NUDC: variants seen among roughly 807,000 people sequenced by gnomAD.
NUDC encodes the protein nuclear migration protein nudC.
A neutral mutation model predicts 45.0 loss-of-function variants in NUDC; 14 were observed. The ratio of observed to expected loss-of-function variants is 0.31; its 90% CI spans 0.21 to 0.49. The LOEUF (loss-of-function observed/expected upper bound fraction) is 0.49. NUDC is among the 20% of genes least tolerant of loss of function. The probability of loss-of-function intolerance (pLI) is 0.99; values close to 1 mark genes in which losing one functional copy is unlikely to be tolerated. For missense variants in NUDC, 323 were observed against 426.2 expected (o/e 0.76, Z 2.13); for synonymous variants, 153 against 156.7 (o/e 0.98, Z 0.17).
chr1:26,909,217 C>T (rs962383259), intron 2 of NUDC, among the ~76,000 whole-genome samples: 3 of 152,296 alleles, frequency 2.0e-5, no homozygotes, highest in South Asian at 2.1e-4. Flanking sequence ...TCAGGTGATC[C>T]GCCTGGCTTG....
At chr1:26,938,448 A>G (rs960091297) in intron 2 of NUDC, among the ~76,000 whole-genome samples, 1 of 152,192 alleles carries the variant, frequency 6.6e-6, no homozygotes, top group Non-Finnish European at 1.5e-5. Flanking sequence ...CTTAGGACCA[A>G]GGCCTTGTGG....
intron 3 of NUDC, chr1:26,913,380 C>T (rs773392069): frequency 6.2e-7 from 1 of 1,611,952 alleles, no homozygotes; most frequent in Non-Finnish European, 8.5e-7. Flanking sequence ...TCAGCCTTGC[C>T]CCCCACCCAG....
chr1:26,904,156 TTTTA>T (rs953550718), intron 2 of NUDC, among the ~76,000 whole-genome samples: 33 of 149,044 alleles, frequency 2.2e-4, no homozygotes, highest in Admixed American at 1.8e-3. Context: ...CATATCTGGA[TTTTA>T]TTTATTTTTT....
At chr1:26,909,974 A>T (rs528467850) in intron 2 of NUDC, among the ~76,000 whole-genome samples, 1 of 152,278 alleles carries the variant, frequency 6.6e-6, no homozygotes, top group South Asian at 2.1e-4. Flanking sequence ...CTGGGGTCCC[A>T]AATGCCAGGC....
At chr1:26,942,583 C>G (rs1347956295) in intron 4 of NUDC, 77 bp from the exon 5 acceptor site, 12 of 1,599,088 alleles carry the variant, frequency 7.5e-6, no homozygotes, top group Non-Finnish European at 1.0e-5. Context: ...AGTGCTAGCC[C>G]TGGGCTTGGC....
intron 2 of NUDC, among the ~76,000 whole-genome samples, chr1:26,937,680 T>A (rs1294461296): frequency 6.6e-6 from 1 of 151,688 alleles, no homozygotes; most frequent in Non-Finnish European, 1.5e-5. Context: ...TGAGACAGAG[T>A]CTTGCTCTGT....
At chr1:26,906,796 C>G (rs2082004845) in intron 2 of NUDC, among the ~76,000 whole-genome samples, 1 of 152,120 alleles carries the variant, frequency 6.6e-6, no homozygotes, top group Non-Finnish European at 1.5e-5. Context: ...TTGCAGTGAG[C>G]TGAGATTGCA....
chr1:26,905,024 A>G (rs1049415731), intron 2 of NUDC, among the ~76,000 whole-genome samples: 78 of 150,754 alleles, frequency 5.2e-4, no homozygotes, highest in African/African-American at 1.5e-3. Context: ...TTTAGTAGAG[A>G]TGGGGTTTCA....
At chr1:26,900,372 AAC>A (rs1557662270) in exon 1 of NUDC, 1 of 1,614,050 alleles carries the variant, frequency 6.2e-7, no homozygotes. Context: ...GGCCGAGCGC[AAC>A]ACGGAGGGGA....
In NUDC at chr1:26,943,049, CTG is replaced by C; in HGVS notation, c.728_729del (p.Val243AlafsTer7). 1 of 1,614,070 alleles carries C rather than the reference CTG, an allele frequency of 6.2e-7. No individual in the cohort carries two copies. The highest frequency in any genetic ancestry group is 8.5e-7 in the Non-Finnish European group (1 of 1,180,014). The stretch of plus-strand genomic sequence containing the variant: ...CTCATTGAGGACGGCAAGGTGGTGA[CTG>C]TGCATCTGGAGAAGGTATGTGAGGC... On this transcript the variant is annotated frameshift_variant, in exon 6 of 9. Coordinates refer to ENST00000321265, the MANE Select transcript of NUDC (RefSeq NM_006600.4). LOFTEE classifies it high-confidence loss of function.
intron 2 of NUDC, among the ~76,000 whole-genome samples, chr1:26,932,061 G>A (rs1387665957): frequency 6.6e-6 from 1 of 150,784 alleles, no homozygotes; most frequent in Non-Finnish European, 1.5e-5. Flanking sequence ...GTCACCCACT[G>A]GAGTGCAGTG....
chr1:26,940,919 TTTA>T (rs1259872201), intron 2 of NUDC, among the ~76,000 whole-genome samples: 6 of 151,056 alleles, frequency 4.0e-5, no homozygotes, highest in Non-Finnish European at 5.9e-5. Context: ...AATTCCTTTA[TTTA>T]TTATTATTAT....
intron 2 of NUDC, among the ~76,000 whole-genome samples, chr1:26,930,414 G>A (rs766397213): frequency 1.4e-4 from 22 of 152,180 alleles, no homozygotes; most frequent in Admixed American, 1.4e-3. Flanking sequence ...GATCTCAAGC[G>A]ACCTACCCGC....
chr1:26,902,781 G>A (rs1486786512), intron 2 of NUDC, among the ~76,000 whole-genome samples: 1 of 152,048 alleles, frequency 6.6e-6, no homozygotes, highest in East Asian at 1.9e-4. Context: ...GGGCGCAGTG[G>A]CTAATGCCTG....
chr1:26,909,125 C>G (rs773986588), intron 2 of NUDC, among the ~76,000 whole-genome samples: 2 of 152,116 alleles, frequency 1.3e-5, no homozygotes, highest in Non-Finnish European at 2.9e-5. Context: ...CAGGTGAGTG[C>G]TGCCATGCCT....
At chr1:26,943,518 G>A (rs922932291) in intron 6 of NUDC, among the ~76,000 whole-genome samples, 7 of 152,032 alleles carry the variant, frequency 4.6e-5, no homozygotes, top group Middle Eastern at 3.2e-3. Context: ...AAAAGAGCTC[G>A]TTGATTTACC....
intron 1 of NUDC, chr1:26,900,523 T>A: frequency 8.2e-7 from 1 of 1,220,006 alleles, no homozygotes; most frequent in Non-Finnish European, 1.2e-6. Context: ...GTTGCGAGAT[T>A]GTGAAAATTC....
chr1:26,915,425 G>A (rs1261313057), intron 3 of NUDC, among the ~76,000 whole-genome samples: 1 of 152,292 alleles, frequency 6.6e-6, no homozygotes, highest in Non-Finnish European at 1.5e-5. Flanking sequence ...TCTGTCCCGG[G>A]CATCTTTCTC....
chr1:26,934,847 C>T (rs191233464), intron 2 of NUDC, among the ~76,000 whole-genome samples: 6 of 151,922 alleles, frequency 3.9e-5, no homozygotes, highest in East Asian at 1.9e-4. Context: ...TTAGTAAAGA[C>T]GGGGTTTCAC....
Sources: allele counts gnomAD v4.1 joint callset (sites outside exome capture counted in the v4.1 genomes callset), GRCh38; gene constraint gnomAD v4.1.1; transcripts MANE v1.5; gene names NCBI Gene and HGNC (gene_info 2026-07-23, HGNC 2026-07-21).